MAST2: variants seen among roughly 807,000 people sequenced by gnomAD.
MAST2 encodes microtubule associated serine/threonine kinase 2.
In MAST2, 70 loss-of-function variants were observed where a neutral mutation model predicts 147.4. That is an observed-to-expected ratio of 0.47 (90% confidence interval 0.39 to 0.58). MAST2 has a LOEUF of 0.58. MAST2 is among the 20% of genes least tolerant of loss of function. The pLI is 0.00. For missense variants in MAST2, 2,080 were observed against 2,302.3 expected (o/e 0.90, Z 1.98); for synonymous variants, 869 against 896.8 (o/e 0.97, Z 0.55).
intron 4 of MAST2, among the ~76,000 whole-genome samples, chr1:45,897,114 GT>G (rs1468993592): frequency 5.9e-5 from 9 of 151,860 alleles, no homozygotes; most frequent in Admixed American, 3.3e-4. Flanking sequence ...CCTTCTTTCC[GT>G]TTATACCCAA....
At chr1:46,033,985 CT>C in intron 27 of MAST2, 47 bp downstream of exon 27, 1 of 1,610,054 alleles carries the variant, frequency 6.2e-7, no homozygotes, top group African/African-American at 1.3e-5. Flanking sequence ...CACATGAGTG[CT>C]GGTACGTGGT....
In MAST2 at chr1:46,023,003, G is replaced by T; in HGVS notation, c.1485+32G>T. On this transcript the variant is annotated intron_variant, in intron 13 of 28. Transcript: ENST00000361297. This position sits in a 1 kb window ranked among gnomAD's most constrained non-coding sequence, Gnocchi z 4.9. ...ACCCTGAGCTCCTACCCCATTCCTG[G>T]AGCCTGGGCCCTATGAAGCAAAGAG... is the stretch of plus-strand genomic sequence containing the variant. 1.3e-6 allele frequency: 2 copies of T among 1,594,554 alleles called. No individual in the cohort carries two copies. Among genetic ancestry groups the T allele is most frequent in the Non-Finnish European group, 1.7e-6 (2 of 1,162,876 alleles).
intron 5 of MAST2, among the ~76,000 whole-genome samples, chr1:45,984,504 CT>C (rs1325781222): frequency 6.6e-6 from 1 of 151,872 alleles, no homozygotes; most frequent in Non-Finnish European, 1.5e-5. Context: ...CAGAGTCCCA[CT>C]GTGTTGTTGC....
At chr1:45,831,103 C>T (rs1187047664) in intron 3 of MAST2, among the ~76,000 whole-genome samples, 1 of 150,786 alleles carries the variant, frequency 6.6e-6, no homozygotes, top group Non-Finnish European at 1.5e-5. Flanking sequence ...AAAATTAAAG[C>T]TGTGTAGCCT....
intron 3 of MAST2, among the ~76,000 whole-genome samples, chr1:45,869,911 T>TTTTGTTTG (rs58270514): frequency 0.33 from 49,028 of 150,840 alleles, 8,219 homozygotes; most frequent in African/African-American, 0.4. Flanking sequence ...CCTGTGATTC[T>TTTTGTTTG]TTTGTTTGTT....
At chr1:45,903,063 T>C (rs1005528288) in intron 4 of MAST2, among the ~76,000 whole-genome samples, 2 of 151,766 alleles carry the variant, frequency 1.3e-5, no homozygotes, top group Non-Finnish European at 2.9e-5. Flanking sequence ...TTAGCTATGA[T>C]GTTAGGTTGT....
intron 4 of MAST2, among the ~76,000 whole-genome samples, chr1:45,897,080 T>A (rs575587156): frequency 1.3e-5 from 2 of 152,348 alleles, no homozygotes; most frequent in South Asian, 4.1e-4. Flanking sequence ...TTTATTCACT[T>A]CTTTACTTTC....
At chr1:45,984,385 C>T (rs896332378) in intron 5 of MAST2, among the ~76,000 whole-genome samples, 2 of 151,538 alleles carry the variant, frequency 1.3e-5, no homozygotes, top group African/African-American at 2.4e-5. Flanking sequence ...CTCACTGCAG[C>T]GTTGACCTCC....
chr1:45,898,514 T>TTTTTTG (rs1000057662), intron 4 of MAST2, among the ~76,000 whole-genome samples: 1 of 152,198 alleles, frequency 6.6e-6, no homozygotes, highest in African/African-American at 2.4e-5. Context: ...TTCTGTTTTT[T>TTTTTTG]TTGTTGTTGT....
rs1274128044 is a variant in MAST2, at chr1:45,848,517, TAA to T, written c.468+18937_468+18938del. ...AGTTACTAGGTGTTGCTGGAAGAAA[TAA>T]GTGTGTCTTATGTGACTTCACTGGG... On this transcript the variant is annotated intron_variant, in intron 3 of 28. Coordinates refer to ENST00000361297, the MANE Select transcript of MAST2 (RefSeq NM_015112.3). 2.6e-5 allele frequency among the ~76,000 whole-genome samples: 4 copies of T among 152,278 alleles called. No homozygotes were observed. The East Asian group carries it at 7.7e-4, about 29-fold the overall frequency.
In MAST2 at chr1:45,997,798, A is replaced by G. The variant is rs1645117071; in HGVS notation, c.667A>G (p.Arg223Gly). ...PAHFSFVPAR[R>G]TDGRRWSLAS... ...TCACTTTTCTTTTGTTCCTGCCCGT[A>G]GGTAAGTTGATAGGAAACCTCCTCT... The change falls in exon 6 of 29, where the codon AGG becomes GGG. Residue 223 changes from arginine (R) to glycine (G), a missense_variant and splice_region_variant. By Grantham distance (125) the Arg-to-Gly change is moderately radical. Coordinates refer to ENST00000361297, the MANE Select transcript of MAST2 (RefSeq NM_015112.3). The G allele has an allele frequency of 1.2e-6, 2 of 1,613,956 alleles. No homozygotes were observed. The highest frequency in any genetic ancestry group is 2.2e-5 in the South Asian group (2 of 91,072).
chr1:45,986,585 G>A (rs1353605344), intron 5 of MAST2, among the ~76,000 whole-genome samples: 1 of 151,920 alleles, frequency 6.6e-6, no homozygotes, highest in Non-Finnish European at 1.5e-5. Flanking sequence ...AGGTGTGGTG[G>A]CGGGTGCCTG....
In MAST2 at chr1:46,034,520, G is replaced by C. The variant is rs979502206; in HGVS notation, c.3869-18G>C. The C allele has an allele frequency of 6.2e-7, 1 of 1,606,288 alleles. No homozygotes were observed. Among genetic ancestry groups the C allele is most frequent in the African/African-American group, 1.3e-5 (1 of 74,956 alleles). On this transcript the variant is annotated intron_variant, in intron 28 of 28. Transcript: ENST00000361297. ...CTGCTCTGCTTTTGTCTGTCTGTCT[G>C]TCTGTCTCTGTACAAAGTGGGAGGG...
intron 5 of MAST2, among the ~76,000 whole-genome samples, 158 bp from the exon 6 acceptor site, chr1:45,997,566 A>C (rs945228760): frequency 1.2e-4 from 18 of 152,228 alleles, no homozygotes; most frequent in African/African-American, 4.1e-4. Context: ...CCTCTGGGCT[A>C]TGAAACTTTT....
At chr1:45,986,268 A>G (rs990499258) in intron 5 of MAST2, among the ~76,000 whole-genome samples, 2 of 152,190 alleles carry the variant, frequency 1.3e-5, no homozygotes, top group Admixed American at 1.3e-4. Context: ...TGCATTTTCT[A>G]TGTCTAATGA....
intron 4 of MAST2, chr1:45,917,605 C>T (rs1235367946): frequency 2.7e-6 from 3 of 1,126,386 alleles, no homozygotes; most frequent in Middle Eastern, 3.4e-4. Flanking sequence ...ATACCTTACT[C>T]CTTAATAATG....
intron 3 of MAST2, among the ~76,000 whole-genome samples, chr1:45,876,132 T>C (rs2148227053): frequency 6.6e-6 from 1 of 152,298 alleles, no homozygotes; most frequent in East Asian, 1.9e-4. Flanking sequence ...ATAGGTGGAC[T>C]AAAAATGCAG....
intron 3 of MAST2, among the ~76,000 whole-genome samples, chr1:45,881,857 T>C (rs925191862): frequency 6.6e-6 from 1 of 151,766 alleles, no homozygotes; most frequent in African/African-American, 2.4e-5. Flanking sequence ...AGTAATAGTT[T>C]GCCTGAGTGC....
In MAST2 at chr1:45,997,763, A is replaced by G. The variant is rs1194065836; in HGVS notation, c.632A>G (p.Asn211Ser). ...PLDSPRNFSPNAPAHFSFVPA... is the reference protein window; with the variant it reads ...PLDSPRNFSPSAPAHFSFVPA... ...GACAGCCCCCGGAATTTCTCTCCAA[A>G]TGCACCTGCTCACTTTTCTTTTGTT... Residue 211 changes from asparagine to serine, a missense_variant, in exon 6 of 29, where the codon AAT becomes AGT. By Grantham distance (46) the Asn-to-Ser change is conservative. This residue lies in a region of MAST2 where 569 missense variants were observed against 642.5 expected (regional missense o/e 0.89). Transcript: ENST00000361297. The G allele has an allele frequency of 1.9e-6, 3 of 1,614,120 alleles. No individual in the cohort carries two copies. The highest frequency in any genetic ancestry group is 2.2e-5 in the East Asian group (1 of 44,882).
Sources: gnomAD v4.1 joint callset for allele counts (sites outside exome capture counted in the v4.1 genomes callset) on GRCh38, gnomAD v4.1.1 for gene constraint, gnomAD v4.1.1 regional missense constraint, Gnocchi (gnomAD v3.1) non-coding constraint, MANE v1.5 for transcripts, NCBI Gene and HGNC (gene_info 2026-07-23, HGNC 2026-07-21) for gene names.